INTS15: variants seen among roughly 807,000 people sequenced by gnomAD.
INTS15 encodes the protein uncharacterized protein C7orf26.
At chr7:6,608,178 C>T in the INTS15 span, 7 of 1,547,730 alleles carry the variant, frequency 4.5e-6, no homozygotes, top group African/African-American at 4.1e-5. Context: ...CCGTGTGTGC[C>T]TTCTGCGCTC....
chr7:6,599,692 T>C, the INTS15 span: 4 of 805,860 alleles, frequency 5.0e-6, no homozygotes, highest in East Asian at 4.9e-5. Context: ...GGACAGAAAA[T>C]AGCTAAGCCA....
chr7:6,590,465 C>A, the INTS15 span: 1 of 1,590,484 alleles, frequency 6.3e-7, no homozygotes, highest in South Asian at 1.1e-5. Context: ...GAGCGCAGCG[C>A]GCAGCCCAAG....
the INTS15 span, among the ~76,000 whole-genome samples, chr7:6,596,938 C>G: frequency 6.6e-6 from 1 of 151,816 alleles, no homozygotes; most frequent in Non-Finnish European, 1.5e-5. Flanking sequence ...GCTACCACAC[C>G]CGGCTAATTT....
chr7:6,593,978 C>T, the INTS15 span, among the ~76,000 whole-genome samples: 1 of 147,848 alleles, frequency 6.8e-6, no homozygotes, highest in Non-Finnish European at 1.5e-5. Context: ...ATTGCCCACC[C>T]CTGCTTCAGT....
the INTS15 span, chr7:6,599,759 C>T: frequency 2.7e-6 from 4 of 1,492,054 alleles, no homozygotes; most frequent in African/African-American, 2.8e-5. Context: ...GGTCAGGCTT[C>T]CCTCTCTCCA....
the INTS15 span, chr7:6,590,538 C>G: frequency 2.1e-6 from 3 of 1,454,108 alleles, no homozygotes; most frequent in Non-Finnish European, 2.7e-6. Flanking sequence ...TTTTCCCCAG[C>G]GATGCAGGGC....
chr7:6,603,316 G>A, the INTS15 span, among the ~76,000 whole-genome samples: 9 of 152,152 alleles, frequency 5.9e-5, no homozygotes, highest in Non-Finnish European at 1.2e-4. Context: ...GGGAGAACGA[G>A]GCAGGTGGAT....
the INTS15 span, among the ~76,000 whole-genome samples, chr7:6,603,473 G>A: frequency 6.6e-6 from 1 of 151,962 alleles, no homozygotes; most frequent in Non-Finnish European, 1.5e-5. Context: ...CTTGAACCTA[G>A]GAGGCGGAGT....
the INTS15 span, chr7:6,600,379 C>A: frequency 1.3e-6 from 2 of 1,595,076 alleles, no homozygotes; most frequent in Non-Finnish European, 8.5e-7. Context: ...CTGGCCCAGG[C>A]CTCCTGGTGC....
the INTS15 span, among the ~76,000 whole-genome samples, chr7:6,602,468 G>A: frequency 1.3e-5 from 2 of 152,112 alleles, no homozygotes; most frequent in East Asian, 1.9e-4. Flanking sequence ...GGGAAGTCTC[G>A]CAGAGCCACA....
the INTS15 span, chr7:6,600,157 G>A: frequency 1.2e-6 from 2 of 1,614,234 alleles, no homozygotes; most frequent in Non-Finnish European, 1.7e-6. Context: ...CGCTGCAGCT[G>A]CACCTGACCG....
chr7:6,598,185 C>T, the INTS15 span, among the ~76,000 whole-genome samples: 2 of 152,154 alleles, frequency 1.3e-5, no homozygotes, highest in East Asian at 3.9e-4. Context: ...AGGCTGCACA[C>T]GTGGCCGGGA....
At chr7:6,599,778 C>T in the INTS15 span, 308 of 1,570,088 alleles carry the variant, frequency 2.0e-4, 2 homozygotes, top group East Asian at 6.5e-3. Context: ...CACTTCCCGC[C>T]CCTGTCCTCG....
the INTS15 span, chr7:6,591,570 C>T: frequency 7.3e-7 from 1 of 1,367,030 alleles, no homozygotes; most frequent in Non-Finnish European, 1.0e-6. Context: ...AGTCTATTTC[C>T]TGTTTTCTTA....
chr7:6,603,376 C>T, the INTS15 span, among the ~76,000 whole-genome samples: 1 of 151,954 alleles, frequency 6.6e-6, no homozygotes, highest in South Asian at 2.1e-4. Flanking sequence ...GGTGAAACCC[C>T]ATCTCTACTA....
chr7:6,591,652 A>T, the INTS15 span: 1 of 1,614,002 alleles, frequency 6.2e-7, no homozygotes, highest in Non-Finnish European at 8.5e-7. Flanking sequence ...GCAGAGACTG[A>T]ATTCCCTTCA....
At chr7:6,592,427 C>T in the INTS15 span, among the ~76,000 whole-genome samples, 8 of 151,600 alleles carry the variant, frequency 5.3e-5, no homozygotes, top group East Asian at 2.0e-4. Context: ...ATTAGCCAGG[C>T]GTGGTAGCAC....
the INTS15 span, chr7:6,608,072 G>GCCCCCCCCCCCCCC: frequency 6.3e-7 from 1 of 1,580,448 alleles, no homozygotes; most frequent in Non-Finnish European, 8.6e-7. Flanking sequence ...GGCTGTCCCG[G>GCCCCCCCCCCCCCC]CCCACCCCGC....
At chr7:6,596,461 C>T in the INTS15 span, among the ~76,000 whole-genome samples, 2 of 149,828 alleles carry the variant, frequency 1.3e-5, no homozygotes, top group African/African-American at 4.9e-5. Context: ...TCACCACAAC[C>T]TCTGCCTCCT....
Sources: allele counts gnomAD v4.1 joint callset (sites outside exome capture counted in the v4.1 genomes callset), GRCh38; gene constraint gnomAD v4.1.1; transcripts MANE v1.5; gene names NCBI Gene and HGNC (gene_info 2026-07-23, HGNC 2026-07-21).